The following DACH2 variants were observed in gnomAD, a reference collection of about 807,000 sequenced individuals.
The protein encoded by DACH2 is dachshund homolog 2.
Under a neutral mutation model 35.8 loss-of-function variants are expected in DACH2, and 17 were observed. The ratio of observed to expected loss-of-function variants is 0.48; its 90% CI spans 0.33 to 0.71. The LOEUF (loss-of-function observed/expected upper bound fraction) is 0.71, where lower values mean the gene tolerates loss of function less well. Ranked by LOEUF, DACH2 falls within the 30% of genes least tolerant of loss-of-function variation. The pLI is 0.02. For missense variants in DACH2, 469 were observed against 472.7 expected (o/e 0.99, Z 0.07); for synonymous variants, 195 against 177.3 (o/e 1.10, Z -0.79).
rs1403243913 is a variant in DACH2, at chrX:86,770,784, A to T, written c.1240+30902A>T. ...AACAAGCACAGTTAAGATACAGAAC[A>T]TTCCTTGAGGACTATGTTCTTATTT... On this transcript the variant is annotated intron_variant, in intron 7 of 11. Transcript: ENST00000373125. 2.7e-5 allele frequency among the ~76,000 whole-genome samples: 3 copies of T among 112,409 alleles called. No individual in the cohort carries two copies. In the East Asian group the frequency reaches 8.4e-4, roughly 31 times the overall value.
intron 1 of DACH2, among the ~76,000 whole-genome samples, chrX:86,214,799 A>G (rs770274184): frequency 1.8e-5 from 2 of 111,927 alleles, no homozygotes; most frequent in East Asian, 5.6e-4. Flanking sequence ...ATGTTCTTGC[A>G]TCTGTCTAGC....
At chrX:86,624,600 C>T (rs1308276430) in intron 3 of DACH2, among the ~76,000 whole-genome samples, 2 of 111,813 alleles carry the variant, frequency 1.8e-5, no homozygotes, top group African/African-American at 6.5e-5. Context: ...GAAGTTACCA[C>T]AGTCTTTCAG....
At chrX:86,438,910 G>A (rs1334072131) in intron 2 of DACH2, among the ~76,000 whole-genome samples, 1 of 112,097 alleles carries the variant, frequency 8.9e-6, no homozygotes, top group Non-Finnish European at 1.9e-5. Flanking sequence ...GTGTGAGATG[G>A]TGTCTCATTG....
chrX:86,674,766 A>G (rs1007771985), intron 4 of DACH2, among the ~76,000 whole-genome samples: 5 of 111,415 alleles, frequency 4.5e-5, no homozygotes, highest in Non-Finnish European at 7.5e-5. Context: ...GAAAATGAAA[A>G]GTATTTCAAG....
chrX:86,667,305 AGAAGGAAGGAAGGAAGGAAG>A (rs746792252), intron 4 of DACH2, among the ~76,000 whole-genome samples: 62 of 33,931 alleles, frequency 1.8e-3, no homozygotes, highest in African/African-American at 6.9e-3. Context: ...AAGGAAGGAA[AGAAGGAAGGAAGGAAGGAAG>A]GAAGGAAGGA....
At chrX:86,277,516 A>G (rs2033940857) in intron 1 of DACH2, among the ~76,000 whole-genome samples, 2 of 112,202 alleles carry the variant, frequency 1.8e-5, no homozygotes, top group Non-Finnish European at 3.8e-5. Context: ...TTTATTTTAG[A>G]CTATGGAAAT....
chrX:86,221,757 G>C (rs2032717368), intron 1 of DACH2, among the ~76,000 whole-genome samples: 1 of 112,129 alleles, frequency 8.9e-6, no homozygotes, highest in Admixed American at 9.5e-5. Flanking sequence ...GTTTGCTAGG[G>C]CTGCCTTAAC....
At chrX:86,650,860 G>A (rs757488382) in intron 3 of DACH2, among the ~76,000 whole-genome samples, 176 bp from the exon 4 acceptor site, 153 of 111,030 alleles carry the variant, frequency 1.4e-3, no homozygotes, top group African/African-American at 4.6e-3. Flanking sequence ...AATTTATCCA[G>A]CTTTCAATTA....
At chrX:86,174,029 A>C (rs913068111) in intron 1 of DACH2, among the ~76,000 whole-genome samples, 2 of 110,722 alleles carry the variant, frequency 1.8e-5, no homozygotes, top group Non-Finnish European at 3.8e-5. Flanking sequence ...AATTTGGCAT[A>C]TACAACTGGG....
chrX:86,336,114 G>T (rs2035305060), intron 1 of DACH2, among the ~76,000 whole-genome samples: 1 of 111,691 alleles, frequency 9.0e-6, no homozygotes, highest in Admixed American at 9.5e-5. Context: ...TGATCATGGT[G>T]GATAAGCTTT....
At chrX:86,576,036 G>T (rs1408580857) in intron 3 of DACH2, among the ~76,000 whole-genome samples, 1 of 112,238 alleles carries the variant, frequency 8.9e-6, no homozygotes, top group Non-Finnish European at 1.9e-5. Flanking sequence ...ATGTAATTGT[G>T]ATTATTCCTT....
rs2035145342 is a variant in DACH2 at position 86,327,996 on chromosome X, C to A, written c.489-48828C>A. 5.4e-5 allele frequency among the ~76,000 whole-genome samples: 6 copies of A among 111,413 alleles called. No individual in the cohort carries two copies. In the Admixed American group the frequency reaches 5.7e-4, roughly 11 times the overall value. ...TTCCTTATAATTTACCACCTTTTAC[C>A]ATTACTGCAATACTTGTTTTTTTCT... On this transcript the variant is annotated intron_variant, in intron 1 of 11. Coordinates refer to ENST00000373125, the MANE Select transcript of DACH2 (RefSeq NM_053281.3).
chrX:86,613,335 T>G (rs1374259286), intron 3 of DACH2, among the ~76,000 whole-genome samples: 1 of 111,582 alleles, frequency 9.0e-6, no homozygotes, highest in Non-Finnish European at 1.9e-5. Flanking sequence ...CTTACCTTTC[T>G]TTTTCCTTTT....
At chrX:86,817,942 G>A (rs1052916137) in intron 11 of DACH2, among the ~76,000 whole-genome samples, 1 of 112,014 alleles carries the variant, frequency 8.9e-6, no homozygotes, top group Non-Finnish European at 1.9e-5. Context: ...ATATGAGATA[G>A]TTAGATTCAT....
chrX:86,309,158 G>A lies in DACH2; in HGVS notation c.489-67666G>A, dbSNP rs568382300. 3.1e-4 allele frequency among the ~76,000 whole-genome samples: 35 copies of A among 112,188 alleles called. No individual in the cohort carries two copies. The South Asian group carries it at 0.013, about 42-fold the overall frequency. ...CACCATTAAGGACTTGAAAGACACAGAGGTGGTGATTCCCACTACATCCCT... is the reference window on the plus strand; with the variant it reads ...CACCATTAAGGACTTGAAAGACACAAAGGTGGTGATTCCCACTACATCCCT... On this transcript the variant is annotated intron_variant, in intron 1 of 11. Coordinates refer to ENST00000373125, the MANE Select transcript of DACH2 (RefSeq NM_053281.3).
At chrX:86,564,748 C>T (rs2039273169) in intron 3 of DACH2, among the ~76,000 whole-genome samples, 1 of 111,447 alleles carries the variant, frequency 9.0e-6, no homozygotes, top group East Asian at 2.8e-4. Context: ...AGCAGGGTTG[C>T]AGTGGATTTA....
chrX:86,445,503 TATA>T (rs1228485126), intron 2 of DACH2, among the ~76,000 whole-genome samples: 7 of 34,550 alleles, frequency 2.0e-4, no homozygotes, highest in African/African-American at 3.2e-4. Context: ...AAACTTAAAG[TATA>T]ATAATAATAA....
intron 2 of DACH2, among the ~76,000 whole-genome samples, chrX:86,459,846 A>T (rs923057697): frequency 7.1e-5 from 7 of 98,172 alleles, no homozygotes; most frequent in Admixed American, 2.4e-4. Context: ...AATGCCATTA[A>T]TGGGCTCTTG....
At chrX:86,283,869 T>C (rs868371713) in intron 1 of DACH2, among the ~76,000 whole-genome samples, 1 of 55,025 alleles carries the variant, frequency 1.8e-5, no homozygotes, top group Admixed American at 2.1e-4. Flanking sequence ...ACTTAAAGTA[T>C]ATACACACAC....
Sources: allele counts gnomAD v4.1 joint callset (sites outside exome capture counted in the v4.1 genomes callset), GRCh38; gene constraint gnomAD v4.1.1; transcripts MANE v1.5; gene names NCBI Gene and HGNC (gene_info 2026-07-23, HGNC 2026-07-21).